The following COL9A1 variants were observed in gnomAD, a reference collection of about 807,000 sequenced individuals.
COL9A1 encodes the protein collagen alpha-1(IX) chain.
COL9A1 carries 104 observed loss-of-function variants against 142.6 expected under a neutral mutation model. The ratio of observed to expected loss-of-function variants is 0.73; its 90% confidence interval spans 0.62 to 0.86. COL9A1 has a LOEUF of 0.86. Among genes scored for constraint, COL9A1 ranks in the 40% least tolerant of loss-of-function variants. The pLI is 0.00. For synonymous variants in COL9A1, 466 were observed against 396.0 expected, an observed-to-expected ratio of 1.18 and a Z score of -2.10; for missense variants, 1,210 against 1,176.6, an observed-to-expected ratio of 1.03 and a Z score of -0.42.
chr6:70,282,860 C>T lies in COL9A1; in HGVS notation c.801+38G>A, dbSNP rs771063657. 4 of 1,614,012 alleles carry T rather than the reference C, an allele frequency of 2.5e-6. No homozygotes were observed. In the Admixed American group the frequency reaches 6.7e-5, roughly 27 times the overall value. On this transcript the variant is annotated intron_variant, in intron 7 of 37. Transcript: ENST00000357250. Reference sequence around the variant, plus strand: ...CTGCGCCCCGACCTGTCCTCGTGTGCGCTTGAAAAATGCAAACACTCCCTG... The same window carrying T: ...CTGCGCCCCGACCTGTCCTCGTGTGTGCTTGAAAAATGCAAACACTCCCTG...
chr6:70,252,128 C>T lies in COL9A1; in HGVS notation c.1864G>A (p.Gly622Arg). The change falls in exon 28 of 38, where the codon GGG becomes AGG. Residue 622 changes from glycine (G) to arginine (R), a missense_variant. Physicochemically the swap from Gly to Arg is moderately radical, Grantham distance 125. Coordinates refer to ENST00000357250, the MANE Select transcript of COL9A1 (RefSeq NM_001851.6). The part of the protein sequence containing the change: ...PGEVGPRGPQ[G>R]LPGSRGELGP... ...CAGCAAGGAATACTCACAGGAAGCC[C>T]CTGGGGTCCTCGGGGTCCCACCTCT... is the stretch of plus-strand genomic sequence containing the variant. 1 of 1,614,102 alleles carries T rather than the reference C, an allele frequency of 6.2e-7. No homozygotes were observed. Among genetic ancestry groups the T allele is most frequent in the Non-Finnish European group, 8.5e-7 (1 of 1,179,982 alleles).
intron 33 of COL9A1, 151 bp from the exon 34 acceptor site, chr6:70,235,091 A>C: frequency 1.1e-6 from 1 of 909,484 alleles, no homozygotes; most frequent in Non-Finnish European, 1.7e-6. Context: ...CTTCACTGCA[A>C]GGTGAAGACA....
At chr6:70,246,791 A>G (rs893012609) in intron 28 of COL9A1, among the ~76,000 whole-genome samples, 24 of 152,214 alleles carry the variant, frequency 1.6e-4, no homozygotes, top group African/African-American at 5.1e-4. Context: ...ACTGAGGCAT[A>G]TGCGAGGGTG....
At chr6:70,284,512 A>T (rs1394609662) in intron 5 of COL9A1, among the ~76,000 whole-genome samples, 1 of 152,212 alleles carries the variant, frequency 6.6e-6, no homozygotes, top group Non-Finnish European at 1.5e-5. Flanking sequence ...CTTTCTAGAC[A>T]CTTGAAATCC....
At chr6:70,242,168 G>T in intron 29 of COL9A1, 133 bp from the exon 30 acceptor site, 1 of 779,244 alleles carries the variant, frequency 1.3e-6, no homozygotes. Flanking sequence ...TCTGCTTCTT[G>T]GGTTTGCCTC....
At chr6:70,257,189 T>C (rs970394909) in intron 20 of COL9A1, among the ~76,000 whole-genome samples, 2 of 151,754 alleles carry the variant, frequency 1.3e-5, no homozygotes, top group African/African-American at 4.8e-5. Flanking sequence ...GCCTCCTGAG[T>C]AGCTGGGACT....
chr6:70,243,962 C>G (rs930170730), intron 28 of COL9A1, among the ~76,000 whole-genome samples: 1 of 152,154 alleles, frequency 6.6e-6, no homozygotes, highest in African/African-American at 2.4e-5. Flanking sequence ...AATGACATGA[C>G]AGCTCCATAT....
At chr6:70,220,566 GA>G (rs879779852) in intron 37 of COL9A1, among the ~76,000 whole-genome samples, 5 of 148,442 alleles carry the variant, frequency 3.4e-5, no homozygotes, top group Admixed American at 6.7e-5. Context: ...AAATACCAGA[GA>G]AAAAAAAACA....
intron 28 of COL9A1, among the ~76,000 whole-genome samples, chr6:70,243,838 A>G (rs1333927176): frequency 6.6e-6 from 1 of 152,056 alleles, no homozygotes; most frequent in Non-Finnish European, 1.5e-5. Context: ...AGCTCATTTT[A>G]TTTCTAATGC....
rs545935882 is a variant in COL9A1 at position 70,225,326 on chromosome 6, C to A, written c.2581+606G>T. 2.6e-5 allele frequency among the ~76,000 whole-genome samples: 4 copies of A among 152,268 alleles called. No homozygotes were observed. In the South Asian group the frequency reaches 8.3e-4, roughly 32 times the overall value. On this transcript the variant is annotated intron_variant, in intron 37 of 37. Transcript: ENST00000357250. The stretch of plus-strand genomic sequence containing the variant: ...CAGGGTAGCCAGTGTATAAAGAGAA[C>A]AGAAGGCCCAGTGAGAGAATCTGGG...
intron 31 of COL9A1, 30 bp downstream of exon 31, chr6:70,241,389 A>G (rs778316144): frequency 6.3e-7 from 1 of 1,589,984 alleles, no homozygotes; most frequent in Non-Finnish European, 8.6e-7. Flanking sequence ...CAAACATTGC[A>G]TTTTATACCA....
intron 37 of COL9A1, among the ~76,000 whole-genome samples, chr6:70,222,115 T>C (rs1303247470): frequency 2.6e-5 from 4 of 152,188 alleles, no homozygotes; most frequent in African/African-American, 4.8e-5. Flanking sequence ...TGTTATTACC[T>C]GACAGACTTT....
At chr6:70,222,933 T>C (rs765216160) in intron 37 of COL9A1, 2 of 152,174 alleles carry the variant, frequency 1.3e-5, no homozygotes, top group Non-Finnish European at 2.9e-5. Context: ...CTATTAATAT[T>C]ATGTTTTTGA....
chr6:70,256,118 C>T (rs372992975), intron 21 of COL9A1, among the ~76,000 whole-genome samples: 6 of 152,328 alleles, frequency 3.9e-5, no homozygotes, highest in East Asian at 3.9e-4. Flanking sequence ...GCTGTCTTTC[C>T]TGCCCGTAGG....
intron 37 of COL9A1, among the ~76,000 whole-genome samples, chr6:70,220,373 T>TG (rs150139945): frequency 0.061 from 8,138 of 133,450 alleles, 735 homozygotes; most frequent in African/African-American, 0.21. Flanking sequence ...TGGAAGGGTG[T>TG]GGAGGGGTGT....
rs1393427515 is a variant in COL9A1 at position 70,233,501 on chromosome 6, T to G, written c.2315-730A>C. On this transcript the variant is annotated intron_variant, in intron 35 of 37. Transcript: ENST00000357250. ...ACAACAAAATCTCCCCATGAAAACATTCTAAGGGAAATATTCTCATGTAAT... is the reference window on the plus strand; with the variant it reads ...ACAACAAAATCTCCCCATGAAAACAGTCTAAGGGAAATATTCTCATGTAAT... Among the ~76,000 whole-genome samples, 3 of 152,148 alleles carry G rather than the reference T, an allele frequency of 2.0e-5. No individual in the cohort carries two copies. In the East Asian group the frequency reaches 5.8e-4, roughly 29 times the overall value.
At chr6:70,236,641 T>C (rs573567348) in intron 33 of COL9A1, among the ~76,000 whole-genome samples, 1 of 152,320 alleles carries the variant, frequency 6.6e-6, no homozygotes, top group South Asian at 2.1e-4. Flanking sequence ...AATGTGCTTT[T>C]CCAATTTCGC....
intron 37 of COL9A1, among the ~76,000 whole-genome samples, chr6:70,219,485 C>T (rs1768735575): frequency 6.6e-6 from 1 of 152,228 alleles, no homozygotes; most frequent in Non-Finnish European, 1.5e-5. Flanking sequence ...ATAATCTGAT[C>T]CTTCACAAAT....
At chr6:70,237,326 TC>T (rs1183245823) in intron 33 of COL9A1, among the ~76,000 whole-genome samples, 1 of 152,198 alleles carries the variant, frequency 6.6e-6, no homozygotes, top group East Asian at 1.9e-4. Flanking sequence ...GGGAAAAAAT[TC>T]CTCAACTGAG....
Sources: allele counts gnomAD v4.1 joint callset (sites outside exome capture counted in the v4.1 genomes callset), GRCh38; gene constraint gnomAD v4.1.1; transcripts MANE v1.5; gene names NCBI Gene and HGNC (gene_info 2026-07-23, HGNC 2026-07-21).